The following TRPM3 variants were observed in gnomAD, a reference collection of about 807,000 sequenced individuals.
The protein encoded by TRPM3 is long transient receptor potential channel 3.
Under a neutral mutation model 181.2 loss-of-function variants are expected in TRPM3, and 77 were observed. The observed-to-expected ratio is 0.42, with a 90% CI of 0.35 to 0.51. The LOEUF is 0.51. TRPM3 is among the 20% of genes least tolerant of loss of function. The pLI is 0.01. For synonymous variants in TRPM3, 745 were observed against 796.4 expected (o/e 0.94, Z 1.09); for missense variants, 1,759 against 2,196.7 (o/e 0.80, Z 3.98).
intron 1 of TRPM3, among the ~76,000 whole-genome samples, chr9:71,273,095 C>CT (rs1247015781): frequency 1.3e-5 from 2 of 152,090 alleles, no homozygotes; most frequent in Non-Finnish European, 2.9e-5. Context: ...GGCTTGGTCT[C>CT]TAACTCCTGA....
intron 6 of TRPM3, among the ~76,000 whole-genome samples, chr9:70,795,018 G>A (rs1030579906): frequency 9.2e-5 from 14 of 152,098 alleles, no homozygotes; most frequent in Non-Finnish European, 1.3e-4. Flanking sequence ...ACAATAAAGC[G>A]TAACGACTAT....
intron 20 of TRPM3, among the ~76,000 whole-genome samples, chr9:70,602,191 A>G (rs1284400951): frequency 6.7e-6 from 1 of 148,852 alleles, no homozygotes; most frequent in East Asian, 2.0e-4. Context: ...GGGAGATGGT[A>G]GTCAGAGTTA....
chr9:70,799,588 C>G (rs989985633), intron 6 of TRPM3, among the ~76,000 whole-genome samples: 4 of 152,190 alleles, frequency 2.6e-5, no homozygotes, highest in African/African-American at 7.2e-5. Flanking sequence ...CACATCTAGC[C>G]TCTTGTCTTT....
chr9:71,303,757 C>T (rs971699963), intron 1 of TRPM3, among the ~76,000 whole-genome samples: 1 of 152,010 alleles, frequency 6.6e-6, no homozygotes, highest in Admixed American at 6.6e-5. Flanking sequence ...ATTATCAAGA[C>T]CTCAGGAGAA....
At chr9:71,366,937 C>A (rs555776712) in intron 1 of TRPM3, among the ~76,000 whole-genome samples, 47 of 152,152 alleles carry the variant, frequency 3.1e-4, no homozygotes, top group African/African-American at 1.1e-3. Flanking sequence ...TTTTATAGAG[C>A]AAATGAGTAT....
At position 71,296,940 on chromosome 9, in the gene TRPM3, C is replaced by T. The variant is rs183479511; in HGVS notation, c.183+149713G>A. ...AACACTGCAGAAAGAAGATTTAAAG[C>T]GATGAAAATTGAACAATACATGAAC... On this transcript the variant is annotated intron_variant, in intron 1 of 24. Transcript: ENST00000357533. Among the ~76,000 whole-genome samples the T allele has an allele frequency of 8.0e-5, 12 of 150,252 alleles. No homozygotes were observed. The South Asian group carries it at 8.4e-4, about 11-fold the overall frequency.
At chr9:70,622,690 T>C (rs924905199) in intron 14 of TRPM3, among the ~76,000 whole-genome samples, 5 of 152,234 alleles carry the variant, frequency 3.3e-5, no homozygotes, top group African/African-American at 1.2e-4. Flanking sequence ...ATTACATCTC[T>C]GGGGCCAGGA....
chr9:71,315,889 TGAG>T (rs1435111363), intron 1 of TRPM3, among the ~76,000 whole-genome samples: 1 of 152,180 alleles, frequency 6.6e-6, no homozygotes, highest in Admixed American at 6.6e-5. Context: ...AACATTTTTC[TGAG>T]AAGACAAAAT....
chr9:70,685,826 T>C (rs1315157282), intron 8 of TRPM3, among the ~76,000 whole-genome samples: 2 of 152,140 alleles, frequency 1.3e-5, no homozygotes, highest in Non-Finnish European at 1.5e-5. Flanking sequence ...AGTCAATTTA[T>C]TTTTATTCTT....
chr9:70,674,724 A>ATTTT (rs67630432), intron 9 of TRPM3, among the ~76,000 whole-genome samples: 4,836 of 97,778 alleles, frequency 0.049, 289 homozygotes, highest in South Asian at 0.096. Flanking sequence ...TATTCAGGCT[A>ATTTT]TTTTTTTTTT....
intron 22 of TRPM3, among the ~76,000 whole-genome samples, chr9:70,579,006 C>T (rs2054834658): frequency 1.3e-5 from 2 of 152,110 alleles, no homozygotes; most frequent in Non-Finnish European, 2.9e-5. Flanking sequence ...GGTGCAACTG[C>T]CCCTGGTTGA....
chr9:71,275,316 G>A (rs537270080), intron 1 of TRPM3, among the ~76,000 whole-genome samples: 15 of 152,120 alleles, frequency 9.9e-5, no homozygotes, highest in African/African-American at 3.4e-4. Context: ...AGTTACAATA[G>A]TAAGAAAAAT....
rs1215911394 is a variant in TRPM3 at position 70,673,486 on chromosome 9, A to AAAAC, written c.1345+8016_1345+8019dup. Among the ~76,000 whole-genome samples, 4 of 152,318 alleles carry AAAAC rather than the reference A, an allele frequency of 2.6e-5. 1 individual carries two copies. Among genetic ancestry groups the AAAAC allele is most frequent in the African/African-American group, 9.6e-5 (4 of 41,582 alleles). On this transcript the variant is annotated intron_variant, in intron 9 of 25. Coordinates refer to ENST00000677713, the MANE Select transcript of TRPM3 (RefSeq NM_001366145.2). The stretch of plus-strand genomic sequence containing the variant: ...TACCTGGTGTGTTTAGTCCCTAACT[A>AAAAC]AAACACTTTGCTATCCACCTACAGT...
intron 17 of TRPM3, among the ~76,000 whole-genome samples, 192 bp downstream of exon 17, chr9:70,618,675 G>T (rs995307367): frequency 6.6e-6 from 1 of 152,244 alleles, no homozygotes; most frequent in Non-Finnish European, 1.5e-5. Context: ...CAGGACCCAG[G>T]GGGAGGCCCC....
intron 1 of TRPM3, among the ~76,000 whole-genome samples, chr9:71,274,448 T>C (rs996530699): frequency 1.3e-5 from 2 of 152,216 alleles, no homozygotes; most frequent in African/African-American, 2.4e-5. Context: ...TGAAAAAGCA[T>C]ACCGGGCCAC....
At chr9:70,645,646 T>C (rs2133683148) in intron 9 of TRPM3, among the ~76,000 whole-genome samples, 1 of 152,018 alleles carries the variant, frequency 6.6e-6, no homozygotes, top group African/African-American at 2.4e-5. Flanking sequence ...GACACAGGCA[T>C]GGGCAAAGAC....
intron 1 of TRPM3, among the ~76,000 whole-genome samples, chr9:71,291,867 C>G (rs4745079): frequency 0.2 from 30,076 of 151,904 alleles, 3,123 homozygotes; most frequent in African/African-American, 0.28. Flanking sequence ...CAGAAGACTT[C>G]ATATTTTTCT....
intron 1 of TRPM3, among the ~76,000 whole-genome samples, chr9:71,006,182 G>C (rs140638050): frequency 6.6e-6 from 1 of 152,014 alleles, no homozygotes; most frequent in African/African-American, 2.4e-5. Context: ...GCAAAAATCT[G>C]CAATTGATAC....
At chr9:71,321,604 G>T (rs2089229813) in intron 1 of TRPM3, among the ~76,000 whole-genome samples, 1 of 152,100 alleles carries the variant, frequency 6.6e-6, no homozygotes, top group Non-Finnish European at 1.5e-5. Context: ...TTGTTAACAA[G>T]ATGTAAAATG....
Sources: gnomAD v4.1 joint callset for allele counts (sites outside exome capture counted in the v4.1 genomes callset) on GRCh38, gnomAD v4.1.1 for gene constraint, MANE v1.5 for transcripts, NCBI Gene and HGNC (gene_info 2026-07-23, HGNC 2026-07-21) for gene names.